PEAK1: variants seen among roughly 807,000 people sequenced by gnomAD.
PEAK1 encodes the protein inactive tyrosine-protein kinase PEAK1.
Under a neutral mutation model 124.7 loss-of-function variants are expected in PEAK1, and 54 were observed. That is an observed-to-expected ratio of 0.43 (90% CI 0.35 to 0.54). The LOEUF is 0.54. Ranked by LOEUF, PEAK1 falls within the 20% of genes least tolerant of loss-of-function variation. PEAK1 has a pLI of 0.01. For synonymous variants in PEAK1, 719 were observed against 760.0 expected (o/e 0.95, Z 0.89); for missense variants, 2,046 against 2,134.5 (o/e 0.96, Z 0.82).
chr15:77,115,394 G>A (rs531716336), intron 9 of PEAK1, 75 bp from the exon 10 acceptor site: 1 of 1,353,664 alleles, frequency 7.4e-7, no homozygotes, highest in South Asian at 1.3e-5. Flanking sequence ...AGATTAACTG[G>A]AAGGTGACTG....
At chr15:77,307,786 T>C (rs1337355312) in intron 2 of PEAK1, among the ~76,000 whole-genome samples, 1 of 152,052 alleles carries the variant, frequency 6.6e-6, no homozygotes, top group Non-Finnish European at 1.5e-5. Context: ...ATCTGGCAAA[T>C]AGTCCAAGTA....
intron 2 of PEAK1, among the ~76,000 whole-genome samples, chr15:77,298,155 GA>G (rs78286585): frequency 0.7 from 71,279 of 101,284 alleles, 25,304 homozygotes; most frequent in Middle Eastern, 0.79. Context: ...TATTATTAAT[GA>G]AAAAAAAAAG....
chr15:77,364,510 T>C (rs1485461376), intron 2 of PEAK1, among the ~76,000 whole-genome samples: 1 of 152,124 alleles, frequency 6.6e-6, no homozygotes, highest in Non-Finnish European at 1.5e-5. Flanking sequence ...ATGATAAAAA[T>C]GGCTGACAGA....
intron 6 of PEAK1, among the ~76,000 whole-genome samples, chr15:77,244,419 C>A (rs2152916827): frequency 6.6e-6 from 1 of 152,232 alleles, no homozygotes; most frequent in African/African-American, 2.4e-5. Context: ...TCAGAATACT[C>A]CAGCCTTTAC....
chr15:77,108,544 A>G lies in PEAK1; in HGVS notation c.*5612T>C, dbSNP rs2050807203. On this transcript the variant is annotated 3_prime_UTR_variant, in exon 10 of 10. Coordinates refer to ENST00000682557, the MANE Select transcript of PEAK1 (RefSeq NM_001385026.1). ...ACTCTTTAGTTCTAACTGGTAAAGG[A>G]AGGGATAACCAAGTAGTATTTGGAG... 6.6e-6 allele frequency: 1 copy of G among 152,236 alleles called. No homozygotes were observed. 9.4% of individuals were successfully genotyped at this position (152,236 alleles called of 1,614,324 possible). A position where few individuals can be genotyped will look rare whatever the true frequency, so the allele number is the denominator to read the frequency against.
intron 6 of PEAK1, chr15:77,239,739 A>G (rs540161238): frequency 1.5e-5 from 10 of 657,692 alleles, no homozygotes; most frequent in African/African-American, 5.9e-5. Flanking sequence ...AAACTGAGCA[A>G]GATTATGGGA....
At chr15:77,369,120 G>A (rs894557942) in intron 1 of PEAK1, among the ~76,000 whole-genome samples, 3 of 152,184 alleles carry the variant, frequency 2.0e-5, no homozygotes, top group Non-Finnish European at 2.9e-5. Flanking sequence ...CTAAAATAAT[G>A]TGTGCTAATC....
At chr15:77,107,125 C>G (rs2050763296), downstream of PEAK1, 1 of 152,378 alleles carries the variant, frequency 6.6e-6, no homozygotes, top group South Asian at 2.1e-4. Flanking sequence ...CTGTGACCTC[C>G]CAACCCCAAC....
At chr15:77,280,567 T>C (rs925057248) in intron 5 of PEAK1, among the ~76,000 whole-genome samples, 2 of 147,522 alleles carry the variant, frequency 1.4e-5, no homozygotes, top group African/African-American at 5.1e-5. Context: ...TGATTTCCTT[T>C]TTTTTTTTTT....
chr15:77,177,050 C>T (rs1255519970), intron 7 of PEAK1, among the ~76,000 whole-genome samples: 11 of 152,062 alleles, frequency 7.2e-5, no homozygotes, highest in South Asian at 2.1e-4. Context: ...CTCCACCTCC[C>T]GGTTCAAGTG....
At chr15:77,295,531 A>C (rs772254451) in intron 2 of PEAK1, among the ~76,000 whole-genome samples, 6 of 152,148 alleles carry the variant, frequency 3.9e-5, no homozygotes, top group Non-Finnish European at 7.4e-5. Flanking sequence ...TCATACTCTG[A>C]TTCATTTAAG....
At chr15:77,314,459 C>T (rs974229795) in intron 2 of PEAK1, among the ~76,000 whole-genome samples, 1 of 151,822 alleles carries the variant, frequency 6.6e-6, no homozygotes, top group African/African-American at 2.4e-5. Flanking sequence ...ACCTCTGCCT[C>T]CCCGGGTTCA....
At chr15:77,238,689 CG>C (rs746404888) in intron 6 of PEAK1, among the ~76,000 whole-genome samples, 288 of 152,198 alleles carry the variant, frequency 1.9e-3, no homozygotes, top group Middle Eastern at 3.4e-3. Context: ...GATGTGCCAC[CG>C]GGTAGTTAAA....
chr15:77,140,803 C>T (rs529160319), intron 8 of PEAK1, among the ~76,000 whole-genome samples: 7 of 151,322 alleles, frequency 4.6e-5, no homozygotes, highest in South Asian at 2.1e-4. Context: ...GGCACAATCT[C>T]GGCTCACTGC....
intron 2 of PEAK1, chr15:77,347,131 T>A (rs1567289608): frequency 1.4e-5 from 11 of 808,250 alleles, no homozygotes; most frequent in Non-Finnish European, 1.5e-5. Context: ...CTTGGTATAT[T>A]CATAGAAGAC....
At chr15:77,259,692 C>T (rs911536411) in intron 5 of PEAK1, among the ~76,000 whole-genome samples, 1 of 152,114 alleles carries the variant, frequency 6.6e-6, no homozygotes, top group Non-Finnish European at 1.5e-5. Flanking sequence ...GCATAAAATA[C>T]TGGAAAGGAC....
intron 1 of PEAK1, among the ~76,000 whole-genome samples, chr15:77,373,788 G>A (rs2068811131): frequency 6.6e-6 from 1 of 152,164 alleles, no homozygotes; most frequent in Non-Finnish European, 1.5e-5. Flanking sequence ...TAGCTTATCA[G>A]GCTTCTAATT....
intron 1 of PEAK1, among the ~76,000 whole-genome samples, chr15:77,412,188 C>G (rs1342287610): frequency 6.6e-6 from 1 of 152,162 alleles, no homozygotes; most frequent in East Asian, 1.9e-4. Flanking sequence ...CTCTAGCTAC[C>G]CTCACTCCTC....
chr15:77,340,177 T>C (rs147873606), intron 2 of PEAK1, among the ~76,000 whole-genome samples: 1 of 152,218 alleles, frequency 6.6e-6, no homozygotes, highest in Non-Finnish European at 1.5e-5. Flanking sequence ...CATGCAAATG[T>C]TTATAGAAGT....
Sources: allele counts gnomAD v4.1 joint callset (sites outside exome capture counted in the v4.1 genomes callset), GRCh38; gene constraint gnomAD v4.1.1; transcripts MANE v1.5; gene names NCBI Gene and HGNC (gene_info 2026-07-23, HGNC 2026-07-21).